Variants in TMEM217B observed in about 807,000 individuals in gnomAD.
TMEM217B encodes putative transmembrane protein 217B.
the TMEM217B span, among the ~76,000 whole-genome samples, chr6:37,255,519 C>T: frequency 0.011 from 1,733 of 151,960 alleles, 25 homozygotes; most frequent in African/African-American, 0.039. Context: ...TTCATCTCTA[C>T]AAAAATACAA....
the TMEM217B span, among the ~76,000 whole-genome samples, chr6:37,234,456 A>G: frequency 0.067 from 10,184 of 152,246 alleles, 1,096 homozygotes; most frequent in African/African-American, 0.23. Flanking sequence ...ATTGGGACAT[A>G]ACCTCATCGT....
chr6:37,232,830 A>G, the TMEM217B span, among the ~76,000 whole-genome samples: 2 of 152,144 alleles, frequency 1.3e-5, no homozygotes, highest in Non-Finnish European at 2.9e-5. Context: ...GACTTCTGAC[A>G]CCAAACTCAC....
At chr6:37,257,995 G>T in the TMEM217B span, 10 of 1,613,160 alleles carry the variant, frequency 6.2e-6, no homozygotes, top group South Asian at 1.1e-4. Context: ...ACGCTGAGAG[G>T]GATAGGGGAT....
At chr6:37,221,481 C>T in the TMEM217B span, among the ~76,000 whole-genome samples, 6 of 152,166 alleles carry the variant, frequency 3.9e-5, no homozygotes, top group African/African-American at 7.2e-5. Flanking sequence ...GCCACCCCAC[C>T]TGGCCATGTA....
chr6:37,218,705 A>T, the TMEM217B span: 4 of 1,614,126 alleles, frequency 2.5e-6, no homozygotes, highest in Non-Finnish European at 3.4e-6. Flanking sequence ...TTGTATTACG[A>T]CGTTTGCAGT....
the TMEM217B span, among the ~76,000 whole-genome samples, chr6:37,245,643 G>C: frequency 6.6e-6 from 1 of 152,076 alleles, no homozygotes; most frequent in Non-Finnish European, 1.5e-5. Context: ...TTATATCATG[G>C]GCAGCAAAAA....
the TMEM217B span, chr6:37,258,110 G>A: frequency 6.1e-6 from 6 of 990,818 alleles, no homozygotes; most frequent in African/African-American, 8.5e-5. Flanking sequence ...GGTGGCGGCA[G>A]GGCAGCTGTC....
At chr6:37,241,549 T>C in the TMEM217B span, among the ~76,000 whole-genome samples, 1 of 152,200 alleles carries the variant, frequency 6.6e-6, no homozygotes, top group South Asian at 2.1e-4. Context: ...GTCCCCATTC[T>C]TGGGCTGGCA....
the TMEM217B span, among the ~76,000 whole-genome samples, chr6:37,256,332 G>T: frequency 2.0e-5 from 3 of 152,312 alleles, no homozygotes; most frequent in East Asian, 1.9e-4. Context: ...CCAGCAAAAG[G>T]TCTGGCTGTC....
At chr6:37,228,313 A>G in the TMEM217B span, among the ~76,000 whole-genome samples, 1 of 152,250 alleles carries the variant, frequency 6.6e-6, no homozygotes, top group South Asian at 2.1e-4. Context: ...GCCTGAAAGT[A>G]TTTGAATTCA....
At chr6:37,240,352 G>A in the TMEM217B span, among the ~76,000 whole-genome samples, 14 of 152,180 alleles carry the variant, frequency 9.2e-5, no homozygotes, top group Admixed American at 6.5e-5. Flanking sequence ...ATCCAAGCTC[G>A]CTCTCTCTGA....
At chr6:37,227,179 C>T in the TMEM217B span, among the ~76,000 whole-genome samples, 2 of 152,186 alleles carry the variant, frequency 1.3e-5, no homozygotes, top group Non-Finnish European at 2.9e-5. Flanking sequence ...AGCCCAGAGA[C>T]TCCATCCATC....
At chr6:37,229,335 G>GTTTTTCTTTTTT in the TMEM217B span, among the ~76,000 whole-genome samples, 2 of 74,368 alleles carry the variant, frequency 2.7e-5, 1 homozygote, top group African/African-American at 1.1e-4. Context: ...GCAACTTTCA[G>GTTTTTCTTTTTT]TTTTTTTTTT....
At chr6:37,228,593 A>G in the TMEM217B span, among the ~76,000 whole-genome samples, 7 of 152,124 alleles carry the variant, frequency 4.6e-5, no homozygotes, top group Admixed American at 2.0e-4. Context: ...AGTCCCAGAT[A>G]CTCGGGAGGC....
the TMEM217B span, among the ~76,000 whole-genome samples, chr6:37,232,373 C>CTGTTT: frequency 4.6e-3 from 696 of 151,996 alleles, 7 homozygotes; most frequent in African/African-American, 0.016. Context: ...ATAGTTTTTT[C>CTGTTT]TGTTTTGTTT....
chr6:37,251,224 G>A, the TMEM217B span, among the ~76,000 whole-genome samples: 14 of 152,088 alleles, frequency 9.2e-5, no homozygotes, highest in Non-Finnish European at 1.9e-4. Context: ...GTAATGTGCC[G>A]ACAGGAAACA....
chr6:37,239,609 C>T, the TMEM217B span, among the ~76,000 whole-genome samples: 3 of 152,026 alleles, frequency 2.0e-5, no homozygotes, highest in Non-Finnish European at 2.9e-5. Context: ...TTGCAGTTGA[C>T]GGCACCTTAG....
chr6:37,219,139 T>C, the TMEM217B span: 4 of 1,103,462 alleles, frequency 3.6e-6, no homozygotes, highest in East Asian at 9.5e-5. Context: ...TTTGGAGAAA[T>C]ATAGACAGAA....
the TMEM217B span, among the ~76,000 whole-genome samples, chr6:37,242,027 T>G: frequency 6.8e-6 from 1 of 147,188 alleles, no homozygotes; most frequent in Non-Finnish European, 1.5e-5. Context: ...TTTTTTTTTT[T>G]GCCTGCTCTT....
Sources: gnomAD v4.1 joint callset for allele counts (sites outside exome capture counted in the v4.1 genomes callset) on GRCh38, gnomAD v4.1.1 for gene constraint, MANE v1.5 for transcripts, NCBI Gene and HGNC (gene_info 2026-07-23, HGNC 2026-07-21) for gene names.